Variants in YARS1 observed in about 807,000 individuals in gnomAD.
The protein encoded by YARS1 is tyrosine--tRNA ligase, cytoplasmic.
A neutral mutation model predicts 62.2 loss-of-function variants in YARS1; 36 were observed. That is an observed-to-expected ratio of 0.58 (90% confidence interval 0.44 to 0.76). The LOEUF (loss-of-function observed/expected upper bound fraction) is 0.76, where lower values mean the gene tolerates loss of function less well. YARS1 is among the 30% of genes least tolerant of loss of function. The probability of loss-of-function intolerance (pLI) is 0.00; values close to 1 mark genes in which losing one functional copy is unlikely to be tolerated. For synonymous variants in YARS1, 234 were observed against 244.9 expected, an observed-to-expected ratio of 0.96 and a Z score of 0.42; for missense variants, 524 against 639.8, an observed-to-expected ratio of 0.82 and a Z score of 1.95.
chr1:32,801,923 T>G (rs538067910), intron 4 of YARS1, among the ~76,000 whole-genome samples: 24 of 151,786 alleles, frequency 1.6e-4, no homozygotes, highest in African/African-American at 5.5e-4. Flanking sequence ...CACTCCTAAT[T>G]GTAGTTCTCT....
At chr1:32,779,978 G>T in intron 11 of YARS1, 107 bp downstream of exon 11, 1 of 1,352,884 alleles carries the variant, frequency 7.4e-7, no homozygotes, top group Non-Finnish European at 1.1e-6. Flanking sequence ...GAAGAGGCAC[G>T]TGTTCTCAGA....
intron 4 of YARS1, among the ~76,000 whole-genome samples, chr1:32,798,393 T>C (rs965740657): frequency 1.3e-5 from 2 of 152,214 alleles, no homozygotes; most frequent in South Asian, 2.1e-4. Flanking sequence ...CCTCAGGATA[T>C]GCAGAATCCT....
chr1:32,786,855 G>A (rs1460417268), intron 7 of YARS1, 85 bp downstream of exon 7: 1 of 1,566,132 alleles, frequency 6.4e-7, no homozygotes, highest in Non-Finnish European at 8.7e-7. Flanking sequence ...CCTGAAGGAA[G>A]AGTCTGTGAC....
intron 5 of YARS1, 141 bp from the exon 6 acceptor site, chr1:32,791,395 G>A: frequency 1.3e-6 from 1 of 741,230 alleles, no homozygotes; most frequent in South Asian, 1.5e-5. Flanking sequence ...AGCTTTGACA[G>A]TGACTGTAAT....
chr1:32,782,609 G>A (rs1190311399), intron 8 of YARS1, 70 bp from the exon 9 acceptor site: 6 of 1,604,706 alleles, frequency 3.7e-6, no homozygotes, highest in Admixed American at 3.3e-5. Flanking sequence ...ATCCAAAAAA[G>A]TAGGATCAAG....
chr1:32,784,168 C>A (rs1005072458), intron 8 of YARS1, among the ~76,000 whole-genome samples: 16 of 151,714 alleles, frequency 1.1e-4, no homozygotes, highest in Non-Finnish European at 1.8e-4. Context: ...TCATGGCTGG[C>A]CAGTATTTTG....
intron 1 of YARS1, among the ~76,000 whole-genome samples, chr1:32,816,392 A>G (rs765475431): frequency 7.2e-5 from 11 of 152,200 alleles, no homozygotes; most frequent in Admixed American, 3.9e-4. Context: ...TGTAGAAACA[A>G]TAACAAAAAA....
chr1:32,799,608 T>C (rs1049420809), intron 4 of YARS1, among the ~76,000 whole-genome samples: 1 of 152,224 alleles, frequency 6.6e-6, no homozygotes. Flanking sequence ...AGGAACAGTC[T>C]AGAACAGCAT....
At chr1:32,815,595 G>A (rs917990292) in intron 1 of YARS1, among the ~76,000 whole-genome samples, 1 of 152,168 alleles carries the variant, frequency 6.6e-6, no homozygotes, top group African/African-American at 2.4e-5. Flanking sequence ...ACCATAAAAA[G>A]GAATGACGTT....
intron 6 of YARS1, among the ~76,000 whole-genome samples, chr1:32,787,879 G>A (rs1418913768): frequency 2.0e-5 from 3 of 152,220 alleles, no homozygotes; most frequent in African/African-American, 4.8e-5. Context: ...CACTTTGGGA[G>A]GCTGGAGAGT....
chr1:32,779,227 T>C (rs909983133), intron 12 of YARS1, among the ~76,000 whole-genome samples, 155 bp downstream of exon 12: 2 of 152,114 alleles, frequency 1.3e-5, no homozygotes, highest in African/African-American at 2.4e-5. Flanking sequence ...CTTAGGCACC[T>C]TGAATTCAAA....
At chr1:32,815,973 G>GC (rs1557470738) in intron 1 of YARS1, among the ~76,000 whole-genome samples, 1 of 151,970 alleles carries the variant, frequency 6.6e-6, no homozygotes, top group Non-Finnish European at 1.5e-5. Context: ...GCCGGGCGTG[G>GC]GGGCGGTCAC....
Position 32,786,783 on chromosome 1 carries a change from T to C in YARS1, c.820+157A>G, listed in dbSNP as rs534581482. ...CGAATATATGGACAATTAAATTACA[T>C]CCCAACATCATTCATACTTTAATAT... On this transcript the variant is annotated intron_variant, in intron 7 of 12. Coordinates refer to ENST00000373477, the MANE Select transcript of YARS1 (RefSeq NM_003680.4). 1.2e-3 allele frequency: 1,299 copies of C among 1,051,796 alleles called. 3 individuals carry two copies. The highest frequency in any genetic ancestry group is 1.6e-3 in the Non-Finnish European group (1,199 of 733,894). 65.2% of individuals were successfully genotyped at this position (1,051,796 alleles called of 1,614,324 possible).
At chr1:32,814,757 C>A (rs550952412) in intron 1 of YARS1, among the ~76,000 whole-genome samples, 2 of 152,330 alleles carry the variant, frequency 1.3e-5, no homozygotes, top group East Asian at 1.9e-4. Flanking sequence ...CTTTAAAACT[C>A]ATTTTCCTTT....
chr1:32,782,305 CT>C (rs1653085522), intron 9 of YARS1, 98 bp downstream of exon 9: 1 of 1,596,570 alleles, frequency 6.3e-7, no homozygotes, highest in South Asian at 1.1e-5. Context: ...TTCAGACCCC[CT>C]GGGTTGTTGT....
chr1:32,804,561 C>T (rs547636205), intron 4 of YARS1, among the ~76,000 whole-genome samples: 132 of 150,992 alleles, frequency 8.7e-4, no homozygotes, highest in African/African-American at 3.1e-3. Context: ...GACGGGGTGG[C>T]GGTCGGGCAG....
Position 32,780,217 on chromosome 1 carries a change from G to A in YARS1, c.1202C>T (p.Thr401Ile). ...KIDVGEAEPR[T>I]VVSGLVQFVP... ...GAACTGTACCAGGCCGCTCACCACA[G>A]TCCGTGGTTCAGCTTCCCCCACGTC... The change falls in exon 11 of 13, where the codon ACT becomes ATT. Residue 401 changes from threonine to isoleucine, a missense_variant. Transcript: ENST00000373477. The A allele has an allele frequency of 6.2e-7, 1 of 1,614,150 alleles. No individual in the cohort carries two copies. The highest frequency in any genetic ancestry group is 8.5e-7 in the Non-Finnish European group (1 of 1,180,038).
At chr1:32,808,090 A>G (rs1638502937) in intron 3 of YARS1, among the ~76,000 whole-genome samples, 1 of 152,002 alleles carries the variant, frequency 6.6e-6, no homozygotes, top group Non-Finnish European at 1.5e-5. Flanking sequence ...GATTTTTAGT[A>G]GAGATGAGGT....
In YARS1 at chr1:32,797,932, G is replaced by A. The variant is rs531811248; in HGVS notation, c.511-89C>T. 4.5e-5 allele frequency: 52 copies of A among 1,146,622 alleles called. No homozygotes were observed. In the South Asian group the frequency reaches 4.7e-4, roughly 10 times the overall value. 71.0% of individuals were successfully genotyped at this position (1,146,622 alleles called of 1,614,324 possible). The stretch of plus-strand genomic sequence containing the variant: ...GTCGCCCAGGCTGGAGTGCTGTGGC[G>A]TGATCTCGGCTCACTGCCACCTCTG... On this transcript the variant is annotated intron_variant, in intron 4 of 12. Coordinates refer to ENST00000373477, the MANE Select transcript of YARS1 (RefSeq NM_003680.4).
Sources: gnomAD v4.1 joint callset for allele counts (sites outside exome capture counted in the v4.1 genomes callset) on GRCh38, gnomAD v4.1.1 for gene constraint, MANE v1.5 for transcripts, NCBI Gene and HGNC (gene_info 2026-07-23, HGNC 2026-07-21) for gene names.